ATF1: variants seen among roughly 807,000 people sequenced by gnomAD.
ATF1 encodes the protein activating transcription factor 1.
In ATF1, 16 loss-of-function variants were observed where a neutral mutation model predicts 34.7. That is an observed-to-expected ratio of 0.46 (90% CI 0.31 to 0.70). The LOEUF is 0.70. Ranked by LOEUF, ATF1 falls within the 30% of genes least tolerant of loss-of-function variation. The probability of loss-of-function intolerance (pLI) is 0.05; values close to 1 mark genes in which losing one functional copy is unlikely to be tolerated. For synonymous variants in ATF1, 105 were observed against 113.1 expected, an observed-to-expected ratio of 0.93 and a Z score of 0.46; for missense variants, 255 against 321.6, an observed-to-expected ratio of 0.79 and a Z score of 1.58.
rs1367047544 is a variant in ATF1 at position 50,814,328 on chromosome 12, C to G, written c.560C>G (p.Ala187Gly). ...QTYQIRTTPS[A>G]TSLPQTVVMT... ...TATCAGATCCGAACTACACCTTCAG[C>G]TACTTCTCTGCCACAAACTGTGGTG... Residue 187 changes from alanine (A) to glycine (G), a missense_variant, in exon 6 of 7, where the codon GCT becomes GGT. This residue lies in a region of ATF1 where 221 missense variants were observed against 250.7 expected (regional missense o/e 0.88). Transcript: ENST00000262053. 1 of 1,614,204 alleles carries G rather than the reference C, an allele frequency of 6.2e-7. No homozygotes were observed. The highest frequency in any genetic ancestry group is 8.5e-7 in the Non-Finnish European group (1 of 1,180,022).
chr12:50,775,095 T>C (rs1940881372), intron 1 of ATF1, among the ~76,000 whole-genome samples: 1 of 151,770 alleles, frequency 6.6e-6, no homozygotes. Context: ...ATGGAAAATA[T>C]GTTATCTTTT....
chr12:50,808,744 T>G (rs1592198614), intron 3 of ATF1, among the ~76,000 whole-genome samples: 1 of 79,324 alleles, frequency 1.3e-5, no homozygotes, highest in Non-Finnish European at 3.1e-5. Context: ...ATTATTGTAA[T>G]TTTTTTTTTT....
chr12:50,808,522 T>C (rs1941664929), intron 3 of ATF1, among the ~76,000 whole-genome samples: 1 of 151,744 alleles, frequency 6.6e-6, no homozygotes, highest in Non-Finnish European at 1.5e-5. Flanking sequence ...AGGGATTGGG[T>C]ATCACCATGT....
chr12:50,795,391 T>C (rs959014297), intron 2 of ATF1, among the ~76,000 whole-genome samples: 7 of 152,190 alleles, frequency 4.6e-5, no homozygotes, highest in African/African-American at 1.7e-4. Flanking sequence ...CCCTATGAGC[T>C]CATCCAGTCT....
rs966165258 is a variant in ATF1, at chr12:50,796,840, T to C, written c.194+831T>C. Among the ~76,000 whole-genome samples the C allele has an allele frequency of 4.6e-5, 7 of 152,262 alleles. No homozygotes were observed. In the East Asian group the frequency reaches 7.7e-4, roughly 17 times the overall value. ...AACATAGGCGATAAGCTCTTCGACA[T>C]TGACCTTGGCAATGATTTTTTGGAT... is the stretch of plus-strand genomic sequence containing the variant. On this transcript the variant is annotated intron_variant, in intron 3 of 6. Transcript: ENST00000262053.
chr12:50,798,317 T>G (rs527263109), intron 3 of ATF1, among the ~76,000 whole-genome samples: 1 of 147,602 alleles, frequency 6.8e-6, no homozygotes, highest in Non-Finnish European at 1.5e-5. Flanking sequence ...ATGGTTGTTG[T>G]TTTTTTTTTG....
upstream of ATF1, chr12:50,763,624 A>G (rs1304200292): frequency 6.7e-6 from 1 of 149,936 alleles, no homozygotes; most frequent in Non-Finnish European, 1.5e-5. Flanking sequence ...TCGGAAAAAA[A>G]AAAGAGACTC....
intron 1 of ATF1, among the ~76,000 whole-genome samples, chr12:50,770,523 G>A (rs1463030800): frequency 1.3e-5 from 2 of 152,166 alleles, no homozygotes; most frequent in East Asian, 3.8e-4. Flanking sequence ...TTTTAAAAAA[G>A]TCTTATCTGA....
At chr12:50,801,921 A>C (rs1941519687) in intron 3 of ATF1, among the ~76,000 whole-genome samples, 1 of 152,196 alleles carries the variant, frequency 6.6e-6, no homozygotes, top group South Asian at 2.1e-4. Flanking sequence ...TCAGGGAATT[A>C]GTCAATAAAT....
At chr12:50,772,318 CTTT>C (rs71086475) in intron 1 of ATF1, among the ~76,000 whole-genome samples, 3 of 116,034 alleles carry the variant, frequency 2.6e-5, no homozygotes, top group Admixed American at 9.0e-5. Context: ...TGCTCCATTC[CTTT>C]TTTTTTTTTT....
intron 2 of ATF1, among the ~76,000 whole-genome samples, chr12:50,794,306 C>T (rs1454540898): frequency 6.6e-6 from 1 of 151,496 alleles, no homozygotes; most frequent in Non-Finnish European, 1.5e-5. Flanking sequence ...GTGGCTCACA[C>T]TTGCAATCCC....
intron 1 of ATF1, among the ~76,000 whole-genome samples, chr12:50,767,936 G>T (rs1429265385): frequency 4.0e-5 from 6 of 150,738 alleles, no homozygotes; most frequent in Non-Finnish European, 7.4e-5. Context: ...GCAGTGGTGC[G>T]ATCTCAGCTC....
chr12:50,809,875 C>T (rs1424081452), intron 4 of ATF1, among the ~76,000 whole-genome samples: 1 of 152,094 alleles, frequency 6.6e-6, no homozygotes, highest in East Asian at 1.9e-4. Context: ...CTCTTGTTGC[C>T]CAGGCCGGAG....
intron 3 of ATF1, among the ~76,000 whole-genome samples, chr12:50,798,339 C>T (rs1479298247): frequency 2.7e-5 from 4 of 150,536 alleles, no homozygotes; most frequent in East Asian, 2.0e-4. Flanking sequence ...GATGGAGTCT[C>T]GCTCTGTCAT....
chr12:50,820,428 A>AT lies in ATF1; in HGVS notation c.*655dup, dbSNP rs904606528. ...GAATGGAGTATGGTGATTTTATAACATTTTTTATCAGAATGGAAAAAGAAC... is the reference window on the plus strand; with the variant it reads ...GAATGGAGTATGGTGATTTTATAACATTTTTTTATCAGAATGGAAAAAGAAC... On this transcript the variant is annotated 3_prime_UTR_variant, in exon 7 of 7. Transcript: ENST00000262053. 27 of 184,848 alleles carry AT rather than the reference A, an allele frequency of 1.5e-4. No individual in the cohort carries two copies. The highest frequency in any genetic ancestry group is 5.6e-4 in the African/African-American group (24 of 42,764). The allele number at this position is 184,848 out of a possible 1,614,324, so 11.5% of individuals were successfully genotyped here.
chr12:50,809,703 GTTT>G, intron 4 of ATF1, 114 bp downstream of exon 4: 1 of 1,160,502 alleles, frequency 8.6e-7, no homozygotes. Flanking sequence ...ATTAAAGGAT[GTTT>G]TCAGCCAGGA....
chr12:50,792,316 A>G (rs988822745), intron 2 of ATF1, among the ~76,000 whole-genome samples: 2 of 152,212 alleles, frequency 1.3e-5, no homozygotes, highest in Non-Finnish European at 2.9e-5. Flanking sequence ...CAGCTCTGAA[A>G]TGTGTTTCCA....
chr12:50,773,199 C>T (rs953792667), intron 1 of ATF1, among the ~76,000 whole-genome samples: 1 of 152,124 alleles, frequency 6.6e-6, no homozygotes, highest in Non-Finnish European at 1.5e-5. Flanking sequence ...CATGTCTTTG[C>T]TATTGTGAAT....
chr12:50,797,043 A>T (rs1005872575), intron 3 of ATF1, among the ~76,000 whole-genome samples: 5 of 152,216 alleles, frequency 3.3e-5, no homozygotes, highest in African/African-American at 1.2e-4. Flanking sequence ...AACTGAAGAC[A>T]AAATGAGAGA....
Sources: gnomAD v4.1 joint callset for allele counts (sites outside exome capture counted in the v4.1 genomes callset) on GRCh38, gnomAD v4.1.1 for gene constraint, gnomAD v4.1.1 regional missense constraint, MANE v1.5 for transcripts, NCBI Gene and HGNC (gene_info 2026-07-23, HGNC 2026-07-21) for gene names.